ATP5MK: variants seen among roughly 807,000 people sequenced by gnomAD.
ATP5MK encodes ATP synthase membrane subunit k.
A neutral mutation model predicts 6.6 loss-of-function variants in ATP5MK; 5 were observed. The ratio of observed to expected loss-of-function variants is 0.76; its 90% CI spans 0.40 to 1.60. The LOEUF (loss-of-function observed/expected upper bound fraction) is 1.60, where lower values mean the gene tolerates loss of function less well. Ranked by LOEUF, ATP5MK falls within the 40% of genes most tolerant of loss-of-function variation. ATP5MK has a pLI of 0.02. For missense variants in ATP5MK, 57 were observed against 66.6 expected (o/e 0.86, Z 0.50); for synonymous variants, 30 against 24.5 (o/e 1.22, Z -0.66).
At chr10:103,392,138 A>T in intron 4 of ATP5MK, 53 bp downstream of exon 4, 1 of 1,495,286 alleles carries the variant, frequency 6.7e-7, no homozygotes, top group Non-Finnish European at 9.1e-7. Context: ...GTTAGGGAAA[A>T]ATCCTAACAT....
At chr10:103,395,589 C>T (rs2093430505) in intron 2 of ATP5MK, among the ~76,000 whole-genome samples, 157 bp downstream of exon 2, 2 of 152,200 alleles carry the variant, frequency 1.3e-5, no homozygotes, top group African/African-American at 4.8e-5. Flanking sequence ...TGAGCCACCG[C>T]GCCCGGCCAC....
At position 103,395,810 on chromosome 10, in the gene ATP5MK, G is replaced by A. The variant is rs985559874; in HGVS notation, c.-74C>T. On this transcript the variant is annotated 5_prime_UTR_variant, in exon 2 of 5. Transcript: ENST00000369815. ...AGTGAGAACCACTCAGGTAACAGAA[G>A]CAGCCTCTTGCATTCACGGAGTTTA... The A allele has an allele frequency of 6.6e-6, 1 of 152,250 alleles. No individual in the cohort carries two copies. Among genetic ancestry groups the A allele is most frequent in the Non-Finnish European group, 1.5e-5 (1 of 68,046 alleles). The allele number at this position is 152,250 out of a possible 1,614,324, so 9.4% of individuals were successfully genotyped here.
intron 2 of ATP5MK, 37 bp from the exon 3 acceptor site, chr10:103,392,503 T>C: frequency 1.4e-6 from 2 of 1,476,362 alleles, no homozygotes; most frequent in East Asian, 2.3e-5. Flanking sequence ...TTAAATTGGT[T>C]TGGATGTAAT....
At chr10:103,393,738 G>C (rs145416667) in intron 2 of ATP5MK, among the ~76,000 whole-genome samples, 367 of 152,162 alleles carry the variant, frequency 2.4e-3, no homozygotes, top group African/African-American at 7.8e-3. Flanking sequence ...ATTACAAAGT[G>C]GAAACACATT....
intron 4 of ATP5MK, among the ~76,000 whole-genome samples, chr10:103,391,720 C>T (rs930782046): frequency 7.9e-5 from 12 of 152,150 alleles, no homozygotes; most frequent in Admixed American, 3.3e-4. Flanking sequence ...GTTGGCCAGG[C>T]TAGTCTCAAA....
At position 103,394,446 on chromosome 10, in the gene ATP5MK, A is replaced by G. The variant is rs773721490; in HGVS notation, c.-10+1300T>C. The G allele has an allele frequency of 4.5e-6, 2 of 444,060 alleles. 1 individual carries two copies. The highest frequency in any genetic ancestry group is 3.4e-5 in the South Asian group (2 of 59,004). The allele number at this position is 444,060 out of a possible 1,614,324, so 27.5% of individuals were successfully genotyped here. A position where few individuals can be genotyped will look rare whatever the true frequency, so the allele number is the denominator to read the frequency against. On this transcript the variant is annotated intron_variant, in intron 2 of 4. Transcript: ENST00000369815. ...CTGTCAGGGAGTCATTACTATGGAA[A>G]CTGGAACTCCCCCATTCAAAGGCTT...
At chr10:103,390,788 C>T (rs970250592) in intron 4 of ATP5MK, among the ~76,000 whole-genome samples, 8 of 150,698 alleles carry the variant, frequency 5.3e-5, no homozygotes, top group African/African-American at 2.0e-4. Flanking sequence ...CAAACTCCAT[C>T]TCAAAAAAAA....
In ATP5MK at chr10:103,392,255, G is replaced by A. The variant is rs779612100; in HGVS notation, c.116C>T (p.Ala39Val). 6.2e-7 allele frequency: 1 copy of A among 1,613,384 alleles called. No individual in the cohort carries two copies. The highest frequency in any genetic ancestry group is 8.5e-7 in the Non-Finnish European group (1 of 1,179,826). ...TAACTTGAAATATAAGACAATCAATGCAATGCTTCCATATGTGGCCAGTAC... is the reference window on the plus strand; with the variant it reads ...TAACTTGAAATATAAGACAATCAATACAATGCTTCCATATGTGGCCAGTAC... ...NCVLATYGSIALIVLYFKLRS... is the reference protein window; with the variant it reads ...NCVLATYGSIVLIVLYFKLRS... The change falls in exon 4 of 5, where the codon GCA becomes GTA. Residue 39 changes from alanine (A) to valine (V), a missense_variant. Ala to Val is a moderately conservative substitution (Grantham distance 64). Coordinates refer to ENST00000369815, the MANE Select transcript of ATP5MK (RefSeq NM_001206427.2).
intron 4 of ATP5MK, among the ~76,000 whole-genome samples, chr10:103,391,367 ATATATT>A (rs2093413943): frequency 6.6e-6 from 1 of 152,270 alleles, no homozygotes; most frequent in Non-Finnish European, 1.5e-5. Flanking sequence ...GAAATAGTTC[ATATATT>A]TATAAACAGA....
intron 2 of ATP5MK, among the ~76,000 whole-genome samples, chr10:103,394,933 G>C (rs1474382605): frequency 6.6e-6 from 1 of 151,842 alleles, no homozygotes; most frequent in East Asian, 1.9e-4. Flanking sequence ...CAATACTACA[G>C]CGCTTTAAAT....
intron 2 of ATP5MK, among the ~76,000 whole-genome samples, chr10:103,393,659 G>A (rs529011836): frequency 5.1e-4 from 78 of 151,932 alleles, no homozygotes; most frequent in African/African-American, 1.9e-3. Flanking sequence ...GTATCTTATC[G>A]AATTATAAAA....
intron 2 of ATP5MK, chr10:103,394,497 T>C (rs939012119): frequency 8.4e-6 from 3 of 357,658 alleles, no homozygotes; most frequent in African/African-American, 6.4e-5. Flanking sequence ...TGTAAAGAAT[T>C]GGCAATGAAA....
At chr10:103,394,628 T>A (rs529092052) in intron 2 of ATP5MK, among the ~76,000 whole-genome samples, 1 of 152,242 alleles carries the variant, frequency 6.6e-6, no homozygotes, top group South Asian at 2.1e-4. Flanking sequence ...TAGGAAAATC[T>A]CCATTAAAAA....
intron 4 of ATP5MK, among the ~76,000 whole-genome samples, chr10:103,389,556 C>G (rs1377950108): frequency 6.6e-6 from 1 of 151,944 alleles, no homozygotes; most frequent in East Asian, 1.9e-4. Context: ...CTCCTGACCT[C>G]AAGTGATCCA....
intron 4 of ATP5MK, among the ~76,000 whole-genome samples, chr10:103,391,070 T>C (rs1224587301): frequency 6.6e-6 from 1 of 152,154 alleles, no homozygotes; most frequent in Non-Finnish European, 1.5e-5. Context: ...TAAAAACATG[T>C]ATAGAATGAA....
At chr10:103,396,286 C>T (rs2093434685) in intron 1 of ATP5MK, 123 bp downstream of exon 1, 1 of 152,308 alleles carries the variant, frequency 6.6e-6, no homozygotes, top group South Asian at 2.1e-4. Context: ...TAGCTCCTTT[C>T]CCATTCCCCA....
At chr10:103,395,274 A>C (rs1185943602) in intron 2 of ATP5MK, among the ~76,000 whole-genome samples, 1 of 152,174 alleles carries the variant, frequency 6.6e-6, no homozygotes, top group Admixed American at 6.5e-5. Context: ...TAATGTTGTT[A>C]AACGGTGGTA....
At chr10:103,395,191 C>T (rs2093428132) in intron 2 of ATP5MK, among the ~76,000 whole-genome samples, 1 of 152,142 alleles carries the variant, frequency 6.6e-6, no homozygotes, top group African/African-American at 2.4e-5. Context: ...CAGCACGGTG[C>T]AGGTTACTTT....
chr10:103,389,496 AT>A (rs34455919), intron 4 of ATP5MK, among the ~76,000 whole-genome samples: 1 of 150,370 alleles, frequency 6.7e-6, no homozygotes, highest in Non-Finnish European at 1.5e-5. Flanking sequence ...CTAATTTTGT[AT>A]TTTTTAGTAG....
Sources: allele counts gnomAD v4.1 joint callset (sites outside exome capture counted in the v4.1 genomes callset), GRCh38; gene constraint gnomAD v4.1.1; transcripts MANE v1.5; gene names NCBI Gene and HGNC (gene_info 2026-07-23, HGNC 2026-07-21).